Variants in PHF21A observed in about 807,000 individuals in gnomAD.
PHF21A encodes PHD finger protein 21A.
PHF21A carries 11 observed loss-of-function variants against 82.5 expected under a neutral mutation model. The ratio of observed to expected loss-of-function variants is 0.13; its 90% CI spans 0.08 to 0.22. The LOEUF (loss-of-function observed/expected upper bound fraction) is 0.22. Ranked by LOEUF, PHF21A falls within the 10% of genes least tolerant of loss-of-function variation. The probability of loss-of-function intolerance (pLI) is 1.00; values close to 1 mark genes in which losing one functional copy is unlikely to be tolerated. For missense variants in PHF21A, 579 were observed against 837.8 expected (o/e 0.69, Z 3.81); for synonymous variants, 297 against 302.8 (o/e 0.98, Z 0.20).
intron 16 of PHF21A, among the ~76,000 whole-genome samples, chr11:45,937,627 C>T (rs1257404654): frequency 6.6e-6 from 1 of 152,136 alleles, no homozygotes; most frequent in African/African-American, 2.4e-5. Context: ...ATTACAGGCG[C>T]CTGCCACCAT....
chr11:46,087,815 G>A (rs2096874534), intron 3 of PHF21A, among the ~76,000 whole-genome samples: 1 of 152,180 alleles, frequency 6.6e-6, no homozygotes, highest in African/African-American at 2.4e-5. Context: ...AAGTGCAGTG[G>A]TGCGATCACG....
intron 1 of PHF21A, chr11:46,117,986 A>T (rs1196023969): frequency 6.6e-6 from 1 of 152,230 alleles, no homozygotes; most frequent in Non-Finnish European, 1.5e-5. Context: ...GCAGAGCTGT[A>T]ATAAGTAGCA....
intron 10 of PHF21A, among the ~76,000 whole-genome samples, chr11:45,959,766 G>A (rs529495781): frequency 3.3e-5 from 5 of 152,238 alleles, no homozygotes; most frequent in East Asian, 1.9e-4. Context: ...GGCAAACTAC[G>A]GAACAGGAGA....
At chr11:46,068,981 T>C (rs559971290) in intron 6 of PHF21A, among the ~76,000 whole-genome samples, 7 of 152,260 alleles carry the variant, frequency 4.6e-5, no homozygotes, top group East Asian at 3.9e-4. Context: ...CTCAAAGAGA[T>C]AGTAAAATCT....
At chr11:46,120,070 G>A (rs931434400) in intron 1 of PHF21A, among the ~76,000 whole-genome samples, 1 of 149,596 alleles carries the variant, frequency 6.7e-6, no homozygotes, top group African/African-American at 2.4e-5. Flanking sequence ...AGAAGAAGAA[G>A]AATAAGCGGA....
intron 6 of PHF21A, among the ~76,000 whole-genome samples, chr11:45,996,279 T>C (rs1046064587): frequency 1.2e-4 from 19 of 152,170 alleles, no homozygotes; most frequent in African/African-American, 4.6e-4. Context: ...AAACATAGGA[T>C]CTAGTACTCA....
chr11:46,084,749 A>C (rs1015264301), intron 3 of PHF21A, among the ~76,000 whole-genome samples: 1 of 150,500 alleles, frequency 6.6e-6, no homozygotes, highest in Non-Finnish European at 1.5e-5. Context: ...GTGCAATCTC[A>C]GCTCACTGCA....
intron 6 of PHF21A, among the ~76,000 whole-genome samples, chr11:46,049,653 C>T (rs1025294398): frequency 1.3e-5 from 2 of 152,220 alleles, no homozygotes; most frequent in Non-Finnish European, 2.9e-5. Context: ...CCAGCATGCT[C>T]CCTTGCAAAC....
chr11:46,113,559 G>C (rs2097250149), intron 1 of PHF21A, among the ~76,000 whole-genome samples: 1 of 152,164 alleles, frequency 6.6e-6, no homozygotes, highest in Admixed American at 6.5e-5. Context: ...GCCGGGCGCG[G>C]TGGCTCACGC....
At chr11:46,036,366 A>C (rs2096004026) in intron 6 of PHF21A, among the ~76,000 whole-genome samples, 1 of 152,196 alleles carries the variant, frequency 6.6e-6, no homozygotes, top group Non-Finnish European at 1.5e-5. Flanking sequence ...CTGGGCTAGA[A>C]ATGTAACATT....
intron 6 of PHF21A, among the ~76,000 whole-genome samples, chr11:46,004,868 C>T (rs1306505849): frequency 6.6e-6 from 1 of 152,094 alleles, no homozygotes; most frequent in Non-Finnish European, 1.5e-5. Flanking sequence ...TACATGTGTT[C>T]GAAATTTATT....
intron 6 of PHF21A, among the ~76,000 whole-genome samples, chr11:46,072,194 T>C (rs919381894): frequency 6.6e-5 from 10 of 152,216 alleles, no homozygotes; most frequent in Non-Finnish European, 1.5e-4. Context: ...TCCCAATTCT[T>C]ACTCAGTAAT....
intron 17 of PHF21A, 151 bp from the exon 18 acceptor site, chr11:45,935,890 CT>C (rs1252454183): frequency 8.3e-6 from 5 of 604,992 alleles, no homozygotes; most frequent in Non-Finnish European, 1.5e-5. Context: ...CCCACCTGGA[CT>C]TTTCCTTTTT....
chr11:46,066,443 A>G (rs2096595306), intron 6 of PHF21A, among the ~76,000 whole-genome samples: 1 of 152,202 alleles, frequency 6.6e-6, no homozygotes, highest in Non-Finnish European at 1.5e-5. Flanking sequence ...GCTTGAACCT[A>G]TAATCCCAGT....
chr11:45,956,781 C>T (rs1042370629), intron 10 of PHF21A, among the ~76,000 whole-genome samples: 2 of 152,120 alleles, frequency 1.3e-5, no homozygotes, highest in Non-Finnish European at 2.9e-5. Flanking sequence ...GTAAGATATA[C>T]AGAAAACAAA....
Position 46,062,823 on chromosome 11 carries a change from G to A in PHF21A, c.153+13931C>T, listed in dbSNP as rs561341786. ...ACCCAGACATACTAAGGCATTTACT[G>A]AAGAGAAATGAAAGCAGATCTCCAC... On this transcript the variant is annotated intron_variant, in intron 6 of 18. Coordinates refer to ENST00000676320, the MANE Select transcript of PHF21A (RefSeq NM_001352027.3). Among the ~76,000 whole-genome samples the A allele has an allele frequency of 2.6e-5, 4 of 152,262 alleles. No homozygotes were observed. The South Asian group carries it at 8.3e-4, about 32-fold the overall frequency.
intron 6 of PHF21A, among the ~76,000 whole-genome samples, chr11:45,995,510 C>A (rs899919164): frequency 2.0e-5 from 3 of 152,124 alleles, no homozygotes; most frequent in African/African-American, 4.8e-5. Context: ...TATAAAAGAT[C>A]AGAGCACTTG....
intron 6 of PHF21A, among the ~76,000 whole-genome samples, chr11:46,004,416 A>T (rs1005668635): frequency 6.6e-6 from 1 of 152,198 alleles, no homozygotes; most frequent in Non-Finnish European, 1.5e-5. Flanking sequence ...CTTTTAATAG[A>T]TAAGAAATAA....
intron 6 of PHF21A, among the ~76,000 whole-genome samples, chr11:46,023,299 A>T (rs1015097782): frequency 5.9e-5 from 9 of 152,200 alleles, no homozygotes; most frequent in Non-Finnish European, 1.2e-4. Flanking sequence ...CTAATTACTG[A>T]GGCCCCTTCT....
Sources: allele counts gnomAD v4.1 joint callset (sites outside exome capture counted in the v4.1 genomes callset), GRCh38; gene constraint gnomAD v4.1.1; transcripts MANE v1.5; gene names NCBI Gene and HGNC (gene_info 2026-07-23, HGNC 2026-07-21).